The following TUSC3 variants were observed in gnomAD, a reference collection of about 807,000 sequenced individuals.
TUSC3 encodes tumor suppressor candidate 3.
TUSC3 carries 45 observed loss-of-function variants against 44.8 expected under a neutral mutation model. The ratio of observed to expected loss-of-function variants is 1.00; its 90% CI spans 0.79 to 1.29. The LOEUF is 1.29. Among genes scored for constraint, TUSC3 ranks in the 50% most tolerant of loss-of-function variants. The pLI is 0.00. For missense variants in TUSC3, 519 were observed against 437.9 expected, an observed-to-expected ratio of 1.19 and a Z score of -1.65; for synonymous variants, 212 against 152.9, an observed-to-expected ratio of 1.39 and a Z score of -2.85.
At chr8:15,753,879 A>AAAGCAAGTGTC (rs1171859543) in intron 9 of TUSC3, among the ~76,000 whole-genome samples, 3 of 152,092 alleles carry the variant, frequency 2.0e-5, no homozygotes, top group African/African-American at 7.2e-5. Flanking sequence ...TGTGATGGCA[A>AAAGCAAGTGTC]AAGCAAGTGT....
the TUSC3 span, among the ~76,000 whole-genome samples, chr8:15,840,623 T>G: frequency 2.6e-5 from 4 of 152,164 alleles, no homozygotes; most frequent in African/African-American, 9.7e-5. Context: ...AATTCCTAGT[T>G]AAAAATCAAT....
intron 1 of TUSC3, among the ~76,000 whole-genome samples, chr8:15,593,328 C>T (rs559529818): frequency 1.5e-3 from 224 of 152,192 alleles, no homozygotes; most frequent in Non-Finnish European, 2.5e-3. Context: ...TCAGGTGATC[C>T]GCCCGCTTCG....
the TUSC3 span, among the ~76,000 whole-genome samples, chr8:15,802,663 A>G: frequency 7.7e-6 from 1 of 130,036 alleles, no homozygotes; most frequent in Non-Finnish European, 1.8e-5. Flanking sequence ...CACAGGATTA[A>G]TTACTTTTTT....
At chr8:15,581,862 G>GGCTGC (rs1263897216) in intron 1 of TUSC3, among the ~76,000 whole-genome samples, 79 of 83,788 alleles carry the variant, frequency 9.4e-4, no homozygotes, top group East Asian at 1.9e-3. Context: ...GGAGCTTCCC[G>GGCTGC]TTTACCTAAT....
chr8:15,562,959 A>G (rs187235736), intron 1 of TUSC3, among the ~76,000 whole-genome samples: 1 of 151,966 alleles, frequency 6.6e-6, no homozygotes, highest in Middle Eastern at 3.2e-3. Context: ...TAATTGTGGG[A>G]GCGCTGTTCT....
At chr8:15,819,378 G>C in the TUSC3 span, among the ~76,000 whole-genome samples, 1 of 64,932 alleles carries the variant, frequency 1.5e-5, no homozygotes, top group Non-Finnish European at 3.1e-5. Flanking sequence ...CAATCATCTT[G>C]GTTTTATTGA....
rs556756338 is a variant in TUSC3, at chr8:15,635,155, C to T, written c.308+11906C>T. Among the ~76,000 whole-genome samples, 36 of 152,036 alleles carry T rather than the reference C, an allele frequency of 2.4e-4. No homozygotes were observed. In the South Asian group the frequency reaches 6.6e-3, roughly 28 times the overall value. On this transcript the variant is annotated intron_variant, in intron 2 of 10. Transcript: ENST00000503731. ...AAGGAAGGAAAGGAAGCATTATGCC[C>T]GGGAATGGTCAGGACAGAATCTTAA...
intron 1 of TUSC3, among the ~76,000 whole-genome samples, chr8:15,594,279 T>A (rs1159720076): frequency 1.3e-5 from 2 of 152,226 alleles, no homozygotes; most frequent in Admixed American, 1.3e-4. Flanking sequence ...GTTTGGCTCT[T>A]TTTTATATCT....
At chr8:15,419,271 T>C (rs1382313843) in intron 1 of TUSC3, among the ~76,000 whole-genome samples, 1 of 152,232 alleles carries the variant, frequency 6.6e-6, no homozygotes, top group Non-Finnish European at 1.5e-5. Flanking sequence ...AGTGTCACAG[T>C]GTTTTAATTA....
intron 1 of TUSC3, among the ~76,000 whole-genome samples, chr8:15,588,790 G>A (rs552602133): frequency 2.0e-4 from 30 of 152,142 alleles, no homozygotes; most frequent in East Asian, 5.8e-4. Flanking sequence ...AGTTTTCCCC[G>A]CACTATTTAT....
At chr8:15,479,508 C>T (rs1219126668) in intron 1 of TUSC3, among the ~76,000 whole-genome samples, 3 of 152,088 alleles carry the variant, frequency 2.0e-5, no homozygotes, top group Non-Finnish European at 4.4e-5. Flanking sequence ...ATATGGCTAG[C>T]CAGTTTTCAC....
chr8:15,715,293 T>G (rs1307048454), intron 6 of TUSC3, among the ~76,000 whole-genome samples: 2 of 152,118 alleles, frequency 1.3e-5, no homozygotes, highest in Non-Finnish European at 2.9e-5. Context: ...AATAGTGAAA[T>G]AGAACAATTA....
At chr8:15,455,432 C>T (rs879791159) in intron 1 of TUSC3, among the ~76,000 whole-genome samples, 38 of 151,824 alleles carry the variant, frequency 2.5e-4, no homozygotes, top group African/African-American at 8.7e-4. Context: ...TATGTATACA[C>T]GTATATGTAT....
intron 1 of TUSC3, among the ~76,000 whole-genome samples, chr8:15,436,365 G>C (rs1188406847): frequency 6.6e-6 from 1 of 152,190 alleles, no homozygotes; most frequent in African/African-American, 2.4e-5. Flanking sequence ...CTATTGGCCA[G>C]TTATCTTTTT....
Position 15,540,643 on chromosome 8 carries a change from C to T in TUSC3, c.138+75C>T, listed in dbSNP as rs147671214. ...TGGGCCGCGTTGCCAGGCAGCCCTG[C>T]CGTGTTGCTAGGCAGCCTGGTCGCC... On this transcript the variant is annotated intron_variant, in intron 1 of 10. Transcript: ENST00000503731. 1,993 of 1,447,078 alleles carry T rather than the reference C, an allele frequency of 1.4e-3. 23 individuals carry two copies. The African/African-American group carries it at 0.026, about 19-fold the overall frequency. The allele number at this position is 1,447,078 out of a possible 1,614,324, so 89.6% of individuals were successfully genotyped here. A position where few individuals can be genotyped will look rare whatever the true frequency, so the allele number is the denominator to read the frequency against.
the TUSC3 span, among the ~76,000 whole-genome samples, chr8:15,819,974 T>C: frequency 6.6e-6 from 1 of 152,228 alleles, no homozygotes; most frequent in Non-Finnish European, 1.5e-5. Flanking sequence ...GCAGTTATTA[T>C]GTTGTCAATT....
intron 1 of TUSC3, among the ~76,000 whole-genome samples, chr8:15,430,824 A>G (rs1369789484): frequency 6.6e-6 from 1 of 151,768 alleles, no homozygotes; most frequent in Admixed American, 6.6e-5. Flanking sequence ...AAGCATTCTT[A>G]TACACCAATA....
At chr8:15,844,214 ATTGT>A in the TUSC3 span, among the ~76,000 whole-genome samples, 5 of 152,108 alleles carry the variant, frequency 3.3e-5, no homozygotes, top group Admixed American at 6.6e-5. Flanking sequence ...TTTTTCTGTG[ATTGT>A]TTGGTTATGT....
intron 2 of TUSC3, among the ~76,000 whole-genome samples, chr8:15,511,571 A>G (rs931482814): frequency 6.6e-6 from 1 of 152,178 alleles, no homozygotes; most frequent in Non-Finnish European, 1.5e-5. Flanking sequence ...AAATTTGATA[A>G]AAGGTGTATA....
Sources: gnomAD v4.1 joint callset for allele counts (sites outside exome capture counted in the v4.1 genomes callset) on GRCh38, gnomAD v4.1.1 for gene constraint, MANE v1.5 for transcripts, NCBI Gene and HGNC (gene_info 2026-07-23, HGNC 2026-07-21) for gene names.